Variants in RB1 observed in about 807,000 individuals in gnomAD.
RB1 encodes retinoblastoma-associated protein.
In RB1, 18 loss-of-function variants were observed where a neutral mutation model predicts 135.4. The ratio of observed to expected loss-of-function variants is 0.13; its 90% CI spans 0.09 to 0.20. The LOEUF (loss-of-function observed/expected upper bound fraction) is 0.20, where lower values mean the gene tolerates loss of function less well. Ranked by LOEUF, RB1 falls within the 10% of genes least tolerant of loss-of-function variation. The pLI is 1.00. For synonymous variants in RB1, 365 were observed against 373.2 expected (o/e 0.98, Z 0.25); for missense variants, 868 against 1,110.0 (o/e 0.78, Z 3.10).
In RB1 at chr13:48,461,871, C is replaced by T. The variant is rs147963093; in HGVS notation, c.2107-1860C>T. Among the ~76,000 whole-genome samples, 1,295 of 152,234 alleles carry T rather than the reference C, an allele frequency of 8.5e-3. 59 individuals are homozygous for T. In the East Asian group the frequency reaches 0.12, roughly 14 times the overall value. ...TTTTTGACACGGAGTCTTGCTCTGT[C>T]GCCCAGGCTAGAGTGCAGTGGCACG... is the stretch of plus-strand genomic sequence containing the variant. On this transcript the variant is annotated intron_variant, in intron 20 of 26. Transcript: ENST00000267163.
At chr13:48,424,899 AAAATGTTATCCAGGTGTGGT>A (rs1269019051) in intron 17 of RB1, among the ~76,000 whole-genome samples, 1 of 152,014 alleles carries the variant, frequency 6.6e-6, no homozygotes, top group Non-Finnish European at 1.5e-5. Flanking sequence ...CTAAAAATAC[AAAATGTTATCCAGGTGTGGT>A]GGCTCACACC....
At chr13:48,476,578 A>G in intron 24 of RB1, 123 bp from the exon 25 acceptor site, 1 of 1,022,022 alleles carries the variant, frequency 9.8e-7, no homozygotes, top group Non-Finnish European at 1.4e-6. Flanking sequence ...AATGAAGCAG[A>G]AAATTTAAAT....
rs141914442 is a variant in RB1 at position 48,392,330 on chromosome 13, C to T, written c.1695+10887C>T. Among the ~76,000 whole-genome samples the T allele has an allele frequency of 1.0e-3, 159 of 152,188 alleles. 2 individuals carry two copies. In the South Asian group the frequency reaches 0.015, roughly 14 times the overall value. On this transcript the variant is annotated intron_variant, in intron 17 of 26. Coordinates refer to ENST00000267163, the MANE Select transcript of RB1 (RefSeq NM_000321.3). ...TTCACCATGCTGGCCAGGCTGGTCT[C>T]GAACTCCTGATCTCAGGTGACCCAC...
chr13:48,373,896 G>C (rs1360331361), intron 12 of RB1, among the ~76,000 whole-genome samples: 1 of 151,874 alleles, frequency 6.6e-6, no homozygotes, highest in Non-Finnish European at 1.5e-5. Context: ...AGCTTTGCTC[G>C]ATCTTCAATT....
At chr13:48,365,786 CAG>C (rs1053715271) in intron 9 of RB1, among the ~76,000 whole-genome samples, 4 of 152,102 alleles carry the variant, frequency 2.6e-5, no homozygotes, top group African/African-American at 9.7e-5. Context: ...ACTATGGATA[CAG>C]AGATTTCACT....
chr13:48,380,330 GAGGTTA>G, intron 16 of RB1, 89 bp downstream of exon 16: 1 of 949,834 alleles, frequency 1.1e-6, no homozygotes, highest in Non-Finnish European at 1.7e-6. Flanking sequence ...GGGATAGTGT[GAGGTTA>G]AGGAGAAGGA....
At chr13:48,441,203 C>A (rs1469679780) in intron 17 of RB1, among the ~76,000 whole-genome samples, 1 of 152,186 alleles carries the variant, frequency 6.6e-6, no homozygotes, top group Non-Finnish European at 1.5e-5. Context: ...ATAGATGGCA[C>A]CTTCTTACCA....
In RB1 at chr13:48,393,997, G is replaced by A. The variant is rs1445036486; in HGVS notation, c.1695+12554G>A. On this transcript the variant is annotated intron_variant, in intron 17 of 26. Coordinates refer to ENST00000267163, the MANE Select transcript of RB1 (RefSeq NM_000321.3). ...ATAGGAACAGCTCTGGTCTGCAGCT[G>A]CCAGCGAGATCAACCCAGAAGGCAG... Among the ~76,000 whole-genome samples, 3 of 152,128 alleles carry A rather than the reference G, an allele frequency of 2.0e-5. No homozygotes were observed. The East Asian group carries it at 5.8e-4, about 29-fold the overall frequency.
At chr13:48,448,921 A>G (rs1346922657) in intron 17 of RB1, among the ~76,000 whole-genome samples, 1 of 152,218 alleles carries the variant, frequency 6.6e-6, no homozygotes, top group East Asian at 1.9e-4. Context: ...GTAAACAAGA[A>G]TTTGAGCTTA....
chr13:48,320,196 AG>A, intron 2 of RB1: 1 of 941,566 alleles, frequency 1.1e-6, no homozygotes. Flanking sequence ...GACCACAGGC[AG>A]GCAATGCGGG....
chr13:48,384,399 A>G (rs1948558129), intron 17 of RB1, among the ~76,000 whole-genome samples: 2 of 152,168 alleles, frequency 1.3e-5, no homozygotes, highest in Admixed American at 6.6e-5. Flanking sequence ...AATTGACATT[A>G]TAGAGAAGGG....
intron 2 of RB1, among the ~76,000 whole-genome samples, chr13:48,309,075 G>A (rs917577656): frequency 1.3e-5 from 2 of 152,048 alleles, no homozygotes; most frequent in Non-Finnish European, 2.9e-5. Flanking sequence ...ATAAACATTT[G>A]TATTCGTAAG....
chr13:48,388,121 ATC>A (rs1202130461), intron 17 of RB1, among the ~76,000 whole-genome samples: 1 of 152,190 alleles, frequency 6.6e-6, no homozygotes, highest in Non-Finnish European at 1.5e-5. Context: ...ATATGTGCAT[ATC>A]TCATGTTAAA....
At chr13:48,432,950 G>C (rs904524558) in intron 17 of RB1, among the ~76,000 whole-genome samples, 1 of 152,044 alleles carries the variant, frequency 6.6e-6, no homozygotes, top group Non-Finnish European at 1.5e-5. Flanking sequence ...TGCTTATATA[G>C]TTGAAATCAG....
At chr13:48,355,609 A>C (rs934311808) in intron 6 of RB1, among the ~76,000 whole-genome samples, 2 of 152,130 alleles carry the variant, frequency 1.3e-5, no homozygotes, top group Non-Finnish European at 2.9e-5. Context: ...TCAAAGAGGT[A>C]TCTGCACTCC....
intron 2 of RB1, among the ~76,000 whole-genome samples, chr13:48,308,175 C>T (rs1014938264): frequency 3.3e-5 from 5 of 151,260 alleles, no homozygotes; most frequent in African/African-American, 1.2e-4. Flanking sequence ...TTTATATGTA[C>T]TGGGGCAATA....
intron 17 of RB1, among the ~76,000 whole-genome samples, chr13:48,447,396 C>G (rs541311572): frequency 1.3e-5 from 2 of 152,038 alleles, no homozygotes; most frequent in Non-Finnish European, 2.9e-5. Flanking sequence ...GCTCTACTTC[C>G]TAGCATAGAC....
chr13:48,402,636 CAAAGTGCTGGG>C lies in RB1; in HGVS notation c.1695+21195_1695+21205del, dbSNP rs1334454690. ...AAGTGATCCTATTGCTTTGGCTTCC[CAAAGTGCTGGG>C]ATTAGTCATGAGCTGCCACTCTTGG... On this transcript the variant is annotated intron_variant, in intron 17 of 26. Transcript: ENST00000267163. 3.9e-5 allele frequency among the ~76,000 whole-genome samples: 6 copies of C among 152,014 alleles called. No homozygotes were observed. In the South Asian group the frequency reaches 1.0e-3, roughly 26 times the overall value.
chr13:48,376,635 C>G (rs894462843), intron 12 of RB1, among the ~76,000 whole-genome samples: 2 of 152,042 alleles, frequency 1.3e-5, no homozygotes, highest in Non-Finnish European at 2.9e-5. Context: ...GTATGAGGCT[C>G]TTTCTGATGG....
Sources: gnomAD v4.1 joint callset for allele counts (sites outside exome capture counted in the v4.1 genomes callset) on GRCh38, gnomAD v4.1.1 for gene constraint, MANE v1.5 for transcripts, NCBI Gene and HGNC (gene_info 2026-07-23, HGNC 2026-07-21) for gene names.